The following PCLO variants were observed in gnomAD, a reference collection of about 807,000 sequenced individuals.
PCLO encodes the protein piccolo presynaptic cytomatrix protein, also known as protein piccolo.
A neutral mutation model predicts 427.5 loss-of-function variants in PCLO; 82 were observed. The ratio of observed to expected loss-of-function variants is 0.19; its 90% confidence interval spans 0.16 to 0.23. The LOEUF is 0.23. Among genes scored for constraint, PCLO ranks in the 10% least tolerant of loss-of-function variants. PCLO has a pLI of 1.00. For synonymous variants in PCLO, 2,357 were observed against 2,155.4 expected, an observed-to-expected ratio of 1.09 and a Z score of -2.59; for missense variants, 6,239 against 6,115.9, an observed-to-expected ratio of 1.02 and a Z score of -0.67.
chr7:83,131,093 A>G (rs986264015), intron 3 of PCLO, among the ~76,000 whole-genome samples: 1 of 152,232 alleles, frequency 6.6e-6, no homozygotes, highest in Non-Finnish European at 1.5e-5. Context: ...TTTTCTCAGT[A>G]TGCTTCCAAA....
chr7:82,894,088 T>C (rs1213223459), intron 9 of PCLO, among the ~76,000 whole-genome samples: 2 of 152,002 alleles, frequency 1.3e-5, no homozygotes, highest in African/African-American at 4.8e-5. Flanking sequence ...AATATGGTAT[T>C]TTTATTACTA....
intron 20 of PCLO, among the ~76,000 whole-genome samples, chr7:82,810,589 G>C (rs1292847287): frequency 6.6e-6 from 1 of 151,592 alleles, no homozygotes; most frequent in African/African-American, 2.4e-5. Flanking sequence ...AATTGAGGGG[G>C]CATTTCAGGT....
In PCLO at chr7:83,038,029, A is replaced by ATATATATATC. The variant is rs1788855213; in HGVS notation, c.3301-71543_3301-71542insGATATATATA. Among the ~76,000 whole-genome samples, 3 of 36,496 alleles carry ATATATATATC rather than the reference A, an allele frequency of 8.2e-5. 1 individual carries two copies. Among genetic ancestry groups the ATATATATATC allele is most frequent in the African/African-American group, 5.6e-4 (3 of 5,402 alleles). 23.9% of individuals were successfully genotyped at this position (36,496 alleles called of 152,430 possible). ...TATATATATATATATATATATATAT[A>ATATATATATC]TTTATATATTTATATATATATCTTT... On this transcript the variant is annotated intron_variant, in intron 3 of 24. Coordinates refer to ENST00000333891, the MANE Select transcript of PCLO (RefSeq NM_033026.6).
At position 83,134,507 on chromosome 7, in the gene PCLO, C is replaced by G. The variant is rs1356833412; in HGVS notation, c.3043G>C (p.Ala1015Pro). 5.6e-6 allele frequency: 9 copies of G among 1,613,694 alleles called. No individual in the cohort carries two copies. The highest frequency in any genetic ancestry group is 2.2e-5 in the East Asian group (1 of 44,882). Residue 1015 changes from alanine (A) to proline (P), a missense_variant, in exon 3 of 25, where the codon GCT becomes CCT. By Grantham distance (27) the Ala-to-Pro change is conservative. This residue lies in a region of PCLO where 4,677 missense variants were observed against 4,468.4 expected (regional missense o/e 1.05). Transcript: ENST00000333891. ...GTTTCTGTTCTTTTTACTGTTGGAGCTTGTTCAGCTTTGGGCTCTAATTTT... is the reference window on the plus strand; with the variant it reads ...GTTTCTGTTCTTTTTACTGTTGGAGGTTGTTCAGCTTTGGGCTCTAATTTT... ...AEKLEPKAEQ[A>P]PTVKRTETEK...
At chr7:82,839,023 A>G (rs1044218251) in intron 14 of PCLO, among the ~76,000 whole-genome samples, 3 of 152,088 alleles carry the variant, frequency 2.0e-5, no homozygotes, top group African/African-American at 7.2e-5. Context: ...TGAATACTAA[A>G]AGACATAATT....
chr7:82,814,612 T>C (rs1396860032), intron 20 of PCLO, among the ~76,000 whole-genome samples: 2 of 151,742 alleles, frequency 1.3e-5, no homozygotes, highest in African/African-American at 4.8e-5. Context: ...GTTATGTAGG[T>C]TATATCTACT....
chr7:82,828,578 C>T (rs146767280), intron 16 of PCLO, among the ~76,000 whole-genome samples: 4 of 152,124 alleles, frequency 2.6e-5, no homozygotes, highest in East Asian at 1.9e-4. Flanking sequence ...AAAATCTTTC[C>T]TCAATTATTA....
intron 3 of PCLO, among the ~76,000 whole-genome samples, chr7:83,129,648 C>G (rs1791521681): frequency 6.6e-6 from 1 of 151,852 alleles, no homozygotes; most frequent in Non-Finnish European, 1.5e-5. Flanking sequence ...ACATTTTTGT[C>G]CAGAAAATTC....
At position 82,862,566 on chromosome 7, in the gene PCLO, C is replaced by CAAAAAAAAAAAAAAAAAAAAAAA. The variant is rs36075501; in HGVS notation, c.13655-15320_13655-15319insTTTTTTTTTTTTTTTTTTTTTTT. Among the ~76,000 whole-genome samples, 2 of 92,232 alleles carry CAAAAAAAAAAAAAAAAAAAAAAA rather than the reference C, an allele frequency of 2.2e-5. 1 individual carries two copies. Among genetic ancestry groups the CAAAAAAAAAAAAAAAAAAAAAAA allele is most frequent in the Non-Finnish European group, 4.3e-5 (2 of 46,524 alleles). 60.5% of individuals were successfully genotyped at this position (92,232 alleles called of 152,430 possible). ...AAGCAACCAGAGCAAGACTCTGCCT[C>CAAAAAAAAAAAAAAAAAAAAAAA]AAAAAAAAAAAAAAAAAAAAAGAAT... On this transcript the variant is annotated intron_variant, in intron 10 of 24. Transcript: ENST00000333891.
chr7:82,952,252 T>C lies in PCLO; in HGVS notation c.8701A>G (p.Ser2901Gly). The change falls in exon 5 of 25, where the codon AGT becomes GGT. Residue 2901 changes from serine (S) to glycine (G), a missense_variant. Ser to Gly is a moderately conservative substitution (Grantham distance 56). Around this residue, in one of 5 missense-constraint regions of PCLO, gnomAD observed 4,677 missense variants for 4,468.4 expected, o/e 1.05. Transcript: ENST00000333891. ...GITDGEVVDL[S>G]TTKSHRTVVT... Reference sequence around the variant, plus strand: ...ACTGTTCTGTGAGACTTGGTTGTACTGAGATCCACTACTTCCCCATCAGTG... The same window carrying C: ...ACTGTTCTGTGAGACTTGGTTGTACCGAGATCCACTACTTCCCCATCAGTG... The C allele has an allele frequency of 6.2e-7, 1 of 1,612,558 alleles. No individual in the cohort carries two copies. Among genetic ancestry groups the C allele is most frequent in the Non-Finnish European group, 8.5e-7 (1 of 1,178,570 alleles).
chr7:82,957,688 CTA>C (rs893412353), intron 4 of PCLO, among the ~76,000 whole-genome samples: 5 of 152,184 alleles, frequency 3.3e-5, no homozygotes, highest in African/African-American at 1.2e-4. Flanking sequence ...GCTGTTATTT[CTA>C]TAGAGTTGTT....
intron 22 of PCLO, among the ~76,000 whole-genome samples, chr7:82,774,370 T>C (rs928205797): frequency 1.3e-5 from 2 of 152,192 alleles, no homozygotes; most frequent in African/African-American, 4.8e-5. Flanking sequence ...TCTATCTCTA[T>C]GCTTTGTACA....
chr7:83,045,413 G>A (rs1003301919), intron 3 of PCLO, among the ~76,000 whole-genome samples: 1 of 152,062 alleles, frequency 6.6e-6, no homozygotes, highest in African/African-American at 2.4e-5. Context: ...CATTCTTTAT[G>A]ACCCAGCTAA....
At chr7:83,143,035 G>A (rs1046365487) in intron 2 of PCLO, among the ~76,000 whole-genome samples, 7 of 151,740 alleles carry the variant, frequency 4.6e-5, no homozygotes, top group Non-Finnish European at 7.4e-5. Context: ...ATTATTTAAC[G>A]GTAAACTATG....
chr7:83,068,877 T>C (rs1164192752), intron 3 of PCLO, among the ~76,000 whole-genome samples: 1 of 152,188 alleles, frequency 6.6e-6, no homozygotes, highest in East Asian at 1.9e-4. Context: ...ACAACCAAAG[T>C]ATTTACTGAT....
chr7:82,932,831 A>G (rs1794870526), intron 6 of PCLO, among the ~76,000 whole-genome samples: 1 of 151,978 alleles, frequency 6.6e-6, no homozygotes, highest in Admixed American at 6.6e-5. Flanking sequence ...GTTCTTTATG[A>G]TTTCTTTTAT....
intron 10 of PCLO, among the ~76,000 whole-genome samples, chr7:82,852,624 C>T (rs1352019113): frequency 6.6e-6 from 1 of 152,152 alleles, no homozygotes; most frequent in Non-Finnish European, 1.5e-5. Flanking sequence ...TGATCCACTA[C>T]TGGTTTCCTT....
At chr7:82,763,865 T>C (rs190517896) in intron 22 of PCLO, among the ~76,000 whole-genome samples, 69 of 152,156 alleles carry the variant, frequency 4.5e-4, no homozygotes, top group Non-Finnish European at 5.9e-5. Context: ...TAAAAGATTT[T>C]ATATCCAGCT....
chr7:82,773,907 C>T (rs1245393892), intron 22 of PCLO, among the ~76,000 whole-genome samples: 2 of 152,128 alleles, frequency 1.3e-5, no homozygotes. Flanking sequence ...TACCTATATC[C>T]TTCTGTCTTC....
Sources: gnomAD v4.1 joint callset for allele counts (sites outside exome capture counted in the v4.1 genomes callset) on GRCh38, gnomAD v4.1.1 for gene constraint, gnomAD v4.1.1 regional missense constraint, MANE v1.5 for transcripts, NCBI Gene and HGNC (gene_info 2026-07-23, HGNC 2026-07-21) for gene names.